The following ZFP1 variants were observed in gnomAD, a reference collection of about 807,000 sequenced individuals.
The protein encoded by ZFP1 is ZFP1 zinc finger protein.
ZFP1 carries 32 observed loss-of-function variants against 38.5 expected under a neutral mutation model. The observed-to-expected ratio is 0.83, with a 90% CI of 0.63 to 1.12. The LOEUF is 1.12. Among genes scored for constraint, ZFP1 ranks in the 50% most tolerant of loss-of-function variants. The pLI is 0.00. For synonymous variants in ZFP1, 245 were observed against 168.8 expected, an observed-to-expected ratio of 1.45 and a Z score of -3.50; for missense variants, 616 against 480.8, an observed-to-expected ratio of 1.28 and a Z score of -2.63.
chr16:75,153,977 T>G (rs2037342072), intron 2 of ZFP1, among the ~76,000 whole-genome samples: 1 of 152,212 alleles, frequency 6.6e-6, no homozygotes, highest in South Asian at 2.1e-4. Flanking sequence ...ATTGGTTTCC[T>G]TCACTTAGAA....
At position 75,171,716 on chromosome 16, in the gene ZFP1, T is replaced by C. The variant is rs1030144010; in HGVS notation, c.*1382T>C. On this transcript the variant is annotated 3_prime_UTR_variant, in exon 4 of 4. Transcript: ENST00000570010. ...TTTTAAAAAATATTTTTGGATATCA[T>C]TGATGTGCTGTCACACTATATATTG... The C allele has an allele frequency of 6.6e-6, 1 of 152,238 alleles. No individual in the cohort carries two copies. Among genetic ancestry groups the C allele is most frequent in the African/African-American group, 2.4e-5 (1 of 41,470 alleles). The allele number at this position is 152,238 out of a possible 1,614,324, so 9.4% of individuals were successfully genotyped here. A position where few individuals can be genotyped will look rare whatever the true frequency, so the allele number is the denominator to read the frequency against.
the ZFP1 span, among the ~76,000 whole-genome samples, chr16:75,124,687 T>G: frequency 6.8e-6 from 1 of 147,684 alleles, no homozygotes; most frequent in Non-Finnish European, 1.5e-5. Context: ...CTTGGGAGGC[T>G]GAGGCAGGAG....
At chr16:75,150,337 T>C (rs1189693235) in intron 1 of ZFP1, among the ~76,000 whole-genome samples, 2 of 150,170 alleles carry the variant, frequency 1.3e-5, no homozygotes, top group Non-Finnish European at 3.0e-5. Context: ...GCCTCCAGAG[T>C]AGCTGGGACT....
the ZFP1 span, among the ~76,000 whole-genome samples, chr16:75,129,139 C>G: frequency 2.0e-5 from 3 of 152,260 alleles, no homozygotes; most frequent in Non-Finnish European, 2.9e-5. Flanking sequence ...AGTAATGTGG[C>G]CTATATCAAT....
At chr16:75,121,733 C>T in the ZFP1 span, among the ~76,000 whole-genome samples, 3 of 151,806 alleles carry the variant, frequency 2.0e-5, no homozygotes, top group African/African-American at 7.3e-5. Flanking sequence ...AATTAACTGG[C>T]TTAAGAAAAT....
chr16:75,143,224 A>C, the ZFP1 span, among the ~76,000 whole-genome samples: 16 of 152,070 alleles, frequency 1.1e-4, no homozygotes, highest in Non-Finnish European at 2.2e-4. Flanking sequence ...ACGTGGATTC[A>C]CTGGGCCTGA....
the ZFP1 span, among the ~76,000 whole-genome samples, chr16:75,139,828 T>C: frequency 6.6e-6 from 1 of 152,182 alleles, no homozygotes; most frequent in African/African-American, 2.4e-5. Flanking sequence ...GGGTAGAGTT[T>C]CAGTTTTACA....
chr16:75,158,147 A>G (rs1293485110), intron 2 of ZFP1, among the ~76,000 whole-genome samples: 1 of 151,490 alleles, frequency 6.6e-6, no homozygotes, highest in Admixed American at 6.6e-5. Flanking sequence ...GCTTCAACCT[A>G]TTTATGTTCA....
At chr16:75,129,336 T>C in the ZFP1 span, among the ~76,000 whole-genome samples, 3 of 152,210 alleles carry the variant, frequency 2.0e-5, no homozygotes, top group African/African-American at 7.2e-5. Context: ...ACTGATTTTC[T>C]TCTAAAATGC....
At chr16:75,125,764 C>T in the ZFP1 span, among the ~76,000 whole-genome samples, 225 of 150,010 alleles carry the variant, frequency 1.5e-3, no homozygotes, top group Non-Finnish European at 1.9e-3. Flanking sequence ...GTTTTCAGGC[C>T]GGGTGCGGTG....
chr16:75,123,475 A>AGG, the ZFP1 span, among the ~76,000 whole-genome samples: 1 of 121,602 alleles, frequency 8.2e-6, no homozygotes, highest in Non-Finnish European at 1.6e-5. Flanking sequence ...ATATATATAT[A>AGG]TATATATATA....
upstream of ZFP1, among the ~76,000 whole-genome samples, chr16:75,145,836 C>T (rs1339812367): frequency 6.6e-6 from 1 of 152,180 alleles, no homozygotes; most frequent in Admixed American, 6.5e-5. Context: ...TTTCTGGATG[C>T]TGGACAAGGA....
intron 2 of ZFP1, among the ~76,000 whole-genome samples, chr16:75,162,724 CAG>C (rs1567534065): frequency 6.6e-6 from 1 of 152,028 alleles, no homozygotes; most frequent in African/African-American, 2.4e-5. Context: ...CGTGAGTACC[CAG>C]AGTTTAGCTC....
chr16:75,157,256 T>TG (rs2037516547), intron 2 of ZFP1: 1 of 148,542 alleles, frequency 6.7e-6, no homozygotes. Flanking sequence ...TTTTTTTTTT[T>TG]TTTTTTTTGA....
chr16:75,161,165 T>C (rs968890042), intron 2 of ZFP1, among the ~76,000 whole-genome samples: 2 of 152,124 alleles, frequency 1.3e-5, no homozygotes, highest in African/African-American at 4.8e-5. Context: ...CCTTCCGGGT[T>C]CAAGCGATTC....
the ZFP1 span, among the ~76,000 whole-genome samples, chr16:75,133,834 A>C: frequency 6.6e-6 from 1 of 152,062 alleles, no homozygotes; most frequent in Admixed American, 6.6e-5. Context: ...GGATCACTTG[A>C]GGCCAGGCAT....
the ZFP1 span, among the ~76,000 whole-genome samples, chr16:75,132,165 A>T: frequency 6.6e-6 from 1 of 151,742 alleles, no homozygotes; most frequent in South Asian, 2.1e-4. Flanking sequence ...AGGCGGGGAG[A>T]TCACTTGAGG....
At chr16:75,123,429 A>ATGTGTGTGTGTGTGTGTG in the ZFP1 span, among the ~76,000 whole-genome samples, 14 of 31,682 alleles carry the variant, frequency 4.4e-4, 5 homozygotes, top group East Asian at 2.2e-3. Context: ...ATATATAAGA[A>ATGTGTGTGTGTGTGTGTG]TGTGTGTGTG....
chr16:75,148,251 C>G (rs747242149), upstream of ZFP1, among the ~76,000 whole-genome samples: 2 of 152,088 alleles, frequency 1.3e-5, no homozygotes, highest in East Asian at 3.8e-4. Context: ...GTTTAAAAGC[C>G]AAGTTGTTGT....
Sources: gnomAD v4.1 joint callset for allele counts (sites outside exome capture counted in the v4.1 genomes callset) on GRCh38, gnomAD v4.1.1 for gene constraint, MANE v1.5 for transcripts, NCBI Gene and HGNC (gene_info 2026-07-23, HGNC 2026-07-21) for gene names.